Variants in SDK1 observed in about 807,000 individuals in gnomAD.
The protein encoded by SDK1 is protein sidekick-1.
Under a neutral mutation model 245.5 loss-of-function variants are expected in SDK1, and 157 were observed. That is an observed-to-expected ratio of 0.64 (90% CI 0.56 to 0.73). The LOEUF (loss-of-function observed/expected upper bound fraction) is 0.73. SDK1 is among the 30% of genes least tolerant of loss of function. SDK1 has a pLI of 0.00. For synonymous variants in SDK1, 1,647 were observed against 1,278.5 expected (o/e 1.29, Z -6.15); for missense variants, 3,583 against 3,002.3 (o/e 1.19, Z -4.52).
chr7:3,574,190 C>T (rs1338533263), intron 1 of SDK1, among the ~76,000 whole-genome samples: 1 of 151,448 alleles, frequency 6.6e-6, no homozygotes, highest in Non-Finnish European at 1.5e-5. Flanking sequence ...AATCTCGGCT[C>T]ACTGCAACCT....
intron 5 of SDK1, among the ~76,000 whole-genome samples, chr7:3,868,845 G>C (rs62437956): frequency 1.3e-5 from 2 of 152,304 alleles, no homozygotes; most frequent in East Asian, 3.9e-4. Flanking sequence ...TCAGCCTTCA[G>C]AGTGAGAAAC....
intron 1 of SDK1, among the ~76,000 whole-genome samples, chr7:3,577,309 C>A (rs977939875): frequency 1.3e-5 from 2 of 152,020 alleles, no homozygotes; most frequent in Admixed American, 1.3e-4. Flanking sequence ...GTTATTTACA[C>A]CATTTTACAG....
At chr7:3,923,751 G>A (rs1472212114) in intron 5 of SDK1, among the ~76,000 whole-genome samples, 2 of 152,228 alleles carry the variant, frequency 1.3e-5, no homozygotes, top group East Asian at 3.8e-4. Flanking sequence ...GCACTTTCAC[G>A]AGGCATTTGC....
At chr7:4,257,944 G>A (rs1380045553) in intron 44 of SDK1, among the ~76,000 whole-genome samples, 1 of 150,560 alleles carries the variant, frequency 6.6e-6, no homozygotes, top group African/African-American at 2.5e-5. Context: ...CATGTGGTGG[G>A]GAAGAACTGC....
At chr7:4,085,623 C>G (rs1377170573) in intron 22 of SDK1, among the ~76,000 whole-genome samples, 2 of 152,132 alleles carry the variant, frequency 1.3e-5, no homozygotes, top group African/African-American at 4.8e-5. Flanking sequence ...GGCGTGATCT[C>G]AGATCACTGC....
At chr7:4,150,333 G>A (rs1028608749) in intron 30 of SDK1, among the ~76,000 whole-genome samples, 5 of 152,290 alleles carry the variant, frequency 3.3e-5, no homozygotes, top group South Asian at 2.1e-4. Flanking sequence ...GCTGTGGAGC[G>A]GGGGTCTTGG....
chr7:3,378,381 G>A (rs1781404051), intron 1 of SDK1, among the ~76,000 whole-genome samples: 1 of 152,208 alleles, frequency 6.6e-6, no homozygotes, highest in Admixed American at 6.5e-5. Flanking sequence ...ACGGGAGGTA[G>A]ACATTTGTGC....
chr7:3,965,493 C>A (rs1189120473), intron 9 of SDK1, among the ~76,000 whole-genome samples: 2 of 152,080 alleles, frequency 1.3e-5, no homozygotes, highest in African/African-American at 4.8e-5. Context: ...AGGTTTTTTG[C>A]AAAATGAGTT....
chr7:3,380,317 T>G (rs899421131), intron 1 of SDK1, among the ~76,000 whole-genome samples: 2 of 152,238 alleles, frequency 1.3e-5, no homozygotes, highest in Non-Finnish European at 2.9e-5. Context: ...CCTTAGGAAT[T>G]CTTGCTAGTA....
chr7:3,567,354 G>C (rs562182532), intron 1 of SDK1, among the ~76,000 whole-genome samples: 1 of 152,302 alleles, frequency 6.6e-6, no homozygotes, highest in African/African-American at 2.4e-5. Context: ...TAAATGCCTA[G>C]TCAGTAGCAG....
chr7:3,587,127 G>C (rs1276514676), intron 1 of SDK1, among the ~76,000 whole-genome samples: 1 of 152,164 alleles, frequency 6.6e-6, no homozygotes, highest in South Asian at 2.1e-4. Flanking sequence ...AGAAACAATG[G>C]CTAAGTCCTA....
chr7:3,326,490 G>A (rs1779943908), intron 1 of SDK1, among the ~76,000 whole-genome samples: 1 of 152,070 alleles, frequency 6.6e-6, no homozygotes, highest in African/African-American at 2.4e-5. Flanking sequence ...GAATACAGTT[G>A]TCTGGTAATT....
intron 1 of SDK1, among the ~76,000 whole-genome samples, chr7:3,440,559 A>C (rs1780166187): frequency 6.6e-6 from 1 of 152,168 alleles, no homozygotes; most frequent in Non-Finnish European, 1.5e-5. Context: ...CTTGTGTTCA[A>C]GTAACCCTTA....
intron 1 of SDK1, among the ~76,000 whole-genome samples, chr7:3,553,411 G>A (rs910326061): frequency 4.6e-5 from 7 of 152,068 alleles, no homozygotes; most frequent in Non-Finnish European, 7.4e-5. Context: ...AATAATGCAA[G>A]AAACAGAAGG....
At chr7:4,103,340 GCCTC>G (rs1782696813) in intron 22 of SDK1, among the ~76,000 whole-genome samples, 2 of 152,152 alleles carry the variant, frequency 1.3e-5, no homozygotes, top group Non-Finnish European at 2.9e-5. Context: ...AAAGAATTCT[GCCTC>G]CCTCTACATC....
intron 4 of SDK1, among the ~76,000 whole-genome samples, chr7:3,758,269 A>G (rs961551741): frequency 6.6e-6 from 1 of 152,232 alleles, no homozygotes; most frequent in Non-Finnish European, 1.5e-5. Flanking sequence ...TCTTGCTTAC[A>G]GCATTTCTAT....
chr7:4,252,715 A>T (rs1402258768), intron 44 of SDK1, among the ~76,000 whole-genome samples: 1 of 152,040 alleles, frequency 6.6e-6, no homozygotes, highest in African/African-American at 2.4e-5. Context: ...TTAATTCTTT[A>T]AATGTTTGAT....
intron 3 of SDK1, among the ~76,000 whole-genome samples, chr7:3,641,562 C>T (rs971354038): frequency 4.6e-5 from 7 of 152,222 alleles, no homozygotes; most frequent in East Asian, 1.9e-4. Context: ...CGGGCTGGAA[C>T]GAGTTTGAAA....
At chr7:3,791,819 G>A (rs1781100610) in intron 4 of SDK1, among the ~76,000 whole-genome samples, 1 of 152,104 alleles carries the variant, frequency 6.6e-6, no homozygotes, top group East Asian at 1.9e-4. Flanking sequence ...TCAGTACCTG[G>A]CATTGCTTTG....
Sources: gnomAD v4.1 joint callset for allele counts (sites outside exome capture counted in the v4.1 genomes callset) on GRCh38, gnomAD v4.1.1 for gene constraint, MANE v1.5 for transcripts, NCBI Gene and HGNC (gene_info 2026-07-23, HGNC 2026-07-21) for gene names.